ZFPM2: variants seen among roughly 807,000 people sequenced by gnomAD.
ZFPM2 encodes zinc finger protein ZFPM2.
A neutral mutation model predicts 98.6 loss-of-function variants in ZFPM2; 20 were observed. The ratio of observed to expected loss-of-function variants is 0.20; its 90% CI spans 0.14 to 0.29. ZFPM2 has a LOEUF of 0.29. ZFPM2 is among the 10% of genes least tolerant of loss of function. The pLI is 1.00. For synonymous variants in ZFPM2, 518 were observed against 502.7 expected (o/e 1.03, Z -0.41); for missense variants, 1,310 against 1,388.6 (o/e 0.94, Z 0.90).
intron 1 of ZFPM2, among the ~76,000 whole-genome samples, chr8:105,352,835 G>GCCTGCCTGCCTA (rs1812674285): frequency 6.6e-6 from 1 of 151,936 alleles, no homozygotes. Context: ...ATGCCTGCCT[G>GCCTGCCTGCCTA]CCTGCCTGCC....
At chr8:105,695,876 A>G (rs1301310003) in intron 5 of ZFPM2, among the ~76,000 whole-genome samples, 1 of 152,132 alleles carries the variant, frequency 6.6e-6, no homozygotes, top group Middle Eastern at 3.2e-3. Flanking sequence ...AATGAGAAAA[A>G]AGAGTGCTTT....
chr8:105,774,848 A>C (rs1563557941), intron 5 of ZFPM2, among the ~76,000 whole-genome samples: 1 of 152,060 alleles, frequency 6.6e-6, no homozygotes, highest in Non-Finnish European at 1.5e-5. Context: ...GTTTGAACTT[A>C]CTGATGCTAA....
Position 105,599,403 on chromosome 8 carries a change from A to AAAG in ZFPM2, c.421-34841_421-34840insGAA, listed in dbSNP as rs1258323132. On this transcript the variant is annotated intron_variant, in intron 4 of 7. Transcript: ENST00000407775. Reference sequence around the variant, plus strand: ...TTCTTTTCGTCTTTAAAAAAAAAAAAAAAATGAAGGCTGTGGTGTTCCCTA... The same window carrying AAAG: ...TTCTTTTCGTCTTTAAAAAAAAAAAAAAGAAAATGAAGGCTGTGGTGTTCCCTA... 5.9e-5 allele frequency among the ~76,000 whole-genome samples: 9 copies of AAAG among 151,662 alleles called. 1 individual carries two copies. Among genetic ancestry groups the AAAG allele is most frequent in the Admixed American group, 2.0e-4 (3 of 15,184 alleles).
At chr8:105,446,581 G>A (rs1200189325) in intron 3 of ZFPM2, among the ~76,000 whole-genome samples, 1 of 152,124 alleles carries the variant, frequency 6.6e-6, no homozygotes, top group African/African-American at 2.4e-5. Flanking sequence ...CATTCAAAAT[G>A]AAGAATTTTC....
chr8:105,448,859 T>A (rs1183909842), intron 3 of ZFPM2, among the ~76,000 whole-genome samples: 5 of 152,034 alleles, frequency 3.3e-5, no homozygotes, highest in Admixed American at 2.0e-4. Flanking sequence ...AGGACTGAAC[T>A]TTGTTAAACA....
In ZFPM2 at chr8:105,802,500, C is replaced by A; in HGVS notation, c.2418C>A (p.Asn806Lys). The change falls in exon 8 of 8, where the codon AAC becomes AAA. Residue 806 changes from asparagine to lysine, a missense_variant. Asn to Lys is a moderately conservative substitution (Grantham distance 94). Transcript: ENST00000407775. ...ACTTGGAAACTTCTCTGACGATCAACAAGTGTGTTCCAGTTTCCAAATGTG... is the reference window on the plus strand; with the variant it reads ...ACTTGGAAACTTCTCTGACGATCAAAAAGTGTGTTCCAGTTTCCAAATGTG... ...SKHLETSLTI[N>K]KCVPVSKCDT... The A allele has an allele frequency of 1.2e-6, 2 of 1,612,440 alleles. No homozygotes were observed. Among genetic ancestry groups the A allele is most frequent in the Non-Finnish European group, 8.5e-7 (1 of 1,179,222 alleles).
intron 5 of ZFPM2, among the ~76,000 whole-genome samples, chr8:105,772,390 A>G (rs1484703071): frequency 6.6e-6 from 1 of 152,186 alleles, no homozygotes; most frequent in African/African-American, 2.4e-5. Flanking sequence ...AGGAAATGAA[A>G]TACTGCTAGT....
At chr8:105,396,440 A>C (rs1279077116) in intron 1 of ZFPM2, among the ~76,000 whole-genome samples, 6 of 152,098 alleles carry the variant, frequency 3.9e-5, no homozygotes, top group Non-Finnish European at 5.9e-5. Flanking sequence ...GAAGAGTTGG[A>C]TTCCTATTTG....
At position 105,541,499 on chromosome 8, in the gene ZFPM2, T is replaced by C. The variant is rs115602007; in HGVS notation, c.302-19864T>C. ...TATATTGGAAGAAACACTTGACTTA[T>C]TGAACAGAGTTTCAGAGGAATATAC... On this transcript the variant is annotated intron_variant, in intron 3 of 7. Transcript: ENST00000407775. Among the ~76,000 whole-genome samples, 531 of 152,294 alleles carry C rather than the reference T, an allele frequency of 3.5e-3. 4 individuals are homozygous for C. Among genetic ancestry groups the C allele is most frequent in the African/African-American group, 0.012 (500 of 41,552 alleles).
At chr8:105,552,031 CTAAA>C (rs376535306) in intron 3 of ZFPM2, among the ~76,000 whole-genome samples, 17 of 152,084 alleles carry the variant, frequency 1.1e-4, no homozygotes, top group African/African-American at 4.1e-4. Context: ...TACGTGTTGA[CTAAA>C]TAAATAAATA....
At chr8:105,403,493 G>C (rs578137084) in intron 1 of ZFPM2, among the ~76,000 whole-genome samples, 102 of 151,980 alleles carry the variant, frequency 6.7e-4, no homozygotes, top group African/African-American at 2.3e-3. Context: ...TGAAAGAAGG[G>C]CTCCAAAAAT....
intron 6 of ZFPM2, 38 bp from the exon 7 acceptor site, chr8:105,798,686 G>A: frequency 6.4e-7 from 1 of 1,564,118 alleles, no homozygotes; most frequent in Non-Finnish European, 8.7e-7. Context: ...GTTTCAAATG[G>A]ACAGCAGCAA....
intron 1 of ZFPM2, among the ~76,000 whole-genome samples, chr8:105,326,524 T>C (rs1812118262): frequency 6.6e-6 from 1 of 151,754 alleles, no homozygotes; most frequent in Non-Finnish European, 1.5e-5. Context: ...ACCAATGCCA[T>C]ATTCATTCCA....
intron 1 of ZFPM2, among the ~76,000 whole-genome samples, chr8:105,360,124 T>C (rs1812828870): frequency 6.6e-6 from 1 of 152,186 alleles, no homozygotes; most frequent in South Asian, 2.1e-4. Context: ...TGAGTGAAAT[T>C]TCAGATTCTT....
intron 3 of ZFPM2, among the ~76,000 whole-genome samples, chr8:105,490,111 G>T (rs1485760941): frequency 1.3e-5 from 2 of 152,042 alleles, no homozygotes; most frequent in Non-Finnish European, 2.9e-5. Flanking sequence ...GCTGGGCGTG[G>T]TGGCGGGCAC....
intron 1 of ZFPM2, among the ~76,000 whole-genome samples, chr8:105,408,937 C>T (rs1243213850): frequency 6.6e-6 from 1 of 151,874 alleles, no homozygotes; most frequent in Non-Finnish European, 1.5e-5. Flanking sequence ...ACAATGAAGG[C>T]TGGCTATGTT....
intron 3 of ZFPM2, among the ~76,000 whole-genome samples, chr8:105,538,363 T>C (rs1303522401): frequency 6.6e-6 from 1 of 152,180 alleles, no homozygotes; most frequent in African/African-American, 2.4e-5. Context: ...ACGTCTTCAA[T>C]TCAATGGAAG....
intron 1 of ZFPM2, among the ~76,000 whole-genome samples, chr8:105,347,006 G>A (rs1327314298): frequency 6.6e-6 from 1 of 152,174 alleles, no homozygotes; most frequent in African/African-American, 2.4e-5. Context: ...AGAATGAAGT[G>A]TCAGGAGAAC....
intron 3 of ZFPM2, among the ~76,000 whole-genome samples, chr8:105,456,847 T>A (rs988191015): frequency 6.6e-6 from 1 of 152,158 alleles, no homozygotes; most frequent in African/African-American, 2.4e-5. Flanking sequence ...TACTTTTTTG[T>A]ATTTTTATCA....
Sources: gnomAD v4.1 joint callset for allele counts (sites outside exome capture counted in the v4.1 genomes callset) on GRCh38, gnomAD v4.1.1 for gene constraint, MANE v1.5 for transcripts, NCBI Gene and HGNC (gene_info 2026-07-23, HGNC 2026-07-21) for gene names.